The following IL1RAPL1 variants were observed in gnomAD, a reference collection of about 807,000 sequenced individuals.
IL1RAPL1 encodes the protein interleukin-1 receptor accessory protein-like 1.
In IL1RAPL1, 3 loss-of-function variants were observed where a neutral mutation model predicts 48.4. That is an observed-to-expected ratio of 0.06 (90% CI 0.03 to 0.16). IL1RAPL1 has a LOEUF of 0.16. Ranked by LOEUF, IL1RAPL1 falls within the 10% of genes least tolerant of loss-of-function variation. IL1RAPL1 has a pLI of 1.00. For synonymous variants in IL1RAPL1, 185 were observed against 187.7 expected (o/e 0.99, Z 0.12); for missense variants, 349 against 530.6 (o/e 0.66, Z 3.36).
chrX:29,590,049 A>C (rs1473284277), intron 5 of IL1RAPL1, among the ~76,000 whole-genome samples: 1 of 111,344 alleles, frequency 9.0e-6, no homozygotes, highest in African/African-American at 3.3e-5. Context: ...CTTACCGGGC[A>C]TCAACAACTT....
chrX:28,820,673 G>T (rs1247825021), intron 2 of IL1RAPL1, among the ~76,000 whole-genome samples: 5 of 111,291 alleles, frequency 4.5e-5, no homozygotes, highest in African/African-American at 1.6e-4. Flanking sequence ...AAAACAGAGA[G>T]GTCAGGGAAG....
chrX:28,836,336 T>TTATATATATATATATATATATA lies in IL1RAPL1; in HGVS notation c.82+46917_82+46938dup, dbSNP rs34343530. On this transcript the variant is annotated intron_variant, in intron 2 of 10. Coordinates refer to ENST00000378993, the MANE Select transcript of IL1RAPL1 (RefSeq NM_014271.4). ...ATAAAATGCCTTTTGCTTCCCAATT[T>TTATATATATATATATATATATA]TATATATATATATATATATATATAT... Among the ~76,000 whole-genome samples the TTATATATATATATATATATATA allele has an allele frequency of 2.8e-4, 24 of 85,301 alleles. 1 individual carries two copies. The highest frequency in any genetic ancestry group is 1.1e-3 in the African/African-American group (23 of 21,280). The allele number at this position is 85,301 out of a possible 115,157, so 74.1% of individuals were successfully genotyped here.
intron 2 of IL1RAPL1, among the ~76,000 whole-genome samples, chrX:28,848,444 G>GT (rs11366471): frequency 0.035 from 3,721 of 106,662 alleles, 172 homozygotes; most frequent in African/African-American, 0.12. Flanking sequence ...TACTTGTAGG[G>GT]TTTTTTTTTT....
chrX:29,683,731 CTACT>C (rs1926533148), intron 6 of IL1RAPL1, among the ~76,000 whole-genome samples: 1 of 112,245 alleles, frequency 8.9e-6, no homozygotes, highest in African/African-American at 3.2e-5. Context: ...TTCTTACAGA[CTACT>C]TGAGTTCTGT....
At chrX:29,495,373 G>T (rs768873518) in intron 5 of IL1RAPL1, among the ~76,000 whole-genome samples, 7 of 111,856 alleles carry the variant, frequency 6.3e-5, no homozygotes, top group Non-Finnish European at 9.4e-5. Context: ...AAGGTGTATA[G>T]GTTCAGGTCA....
intron 6 of IL1RAPL1, among the ~76,000 whole-genome samples, chrX:29,725,767 C>T (rs1389282905): frequency 3.6e-5 from 4 of 112,278 alleles, no homozygotes; most frequent in Admixed American, 1.9e-4. Flanking sequence ...ATATACTAGA[C>T]TGTCAAAAAA....
In IL1RAPL1 at chrX:29,503,324, G is replaced by A. The variant is rs1383756503; in HGVS notation, c.703+104016G>A. 4.5e-5 allele frequency among the ~76,000 whole-genome samples: 5 copies of A among 111,045 alleles called. No individual in the cohort carries two copies. In the Admixed American group the frequency reaches 4.8e-4, roughly 11 times the overall value. ...TCTCCTATATTCCAGGGTTTTGTTT[G>A]TTTGTTTGTTTGTTTCAATTTCGTT... On this transcript the variant is annotated intron_variant, in intron 5 of 10. Coordinates refer to ENST00000378993, the MANE Select transcript of IL1RAPL1 (RefSeq NM_014271.4).
At chrX:29,948,765 A>G (rs1385865596) in intron 9 of IL1RAPL1, among the ~76,000 whole-genome samples, 1 of 109,524 alleles carries the variant, frequency 9.1e-6, no homozygotes, top group East Asian at 2.8e-4. Flanking sequence ...CATTTTAGGA[A>G]TCCATTTACT....
At chrX:29,791,249 G>T (rs779226096) in intron 6 of IL1RAPL1, among the ~76,000 whole-genome samples, 2 of 110,414 alleles carry the variant, frequency 1.8e-5, no homozygotes, top group Non-Finnish European at 3.8e-5. Flanking sequence ...TTTCAAAAGA[G>T]CTCCTATCTG....
chrX:29,438,177 C>T (rs1355207490), intron 5 of IL1RAPL1, among the ~76,000 whole-genome samples: 3 of 110,947 alleles, frequency 2.7e-5, no homozygotes, highest in Non-Finnish European at 3.8e-5. Flanking sequence ...GAATTGTTCA[C>T]GTTAGTCCGT....
intron 1 of IL1RAPL1, chrX:28,658,920 C>T (rs1934782440): frequency 2.6e-6 from 1 of 386,020 alleles, no homozygotes; most frequent in Non-Finnish European, 4.5e-6. Flanking sequence ...TAATTACTGT[C>T]CCCTATTTTT....
intron 5 of IL1RAPL1, among the ~76,000 whole-genome samples, chrX:29,437,098 T>G (rs1282210675): frequency 1.8e-5 from 2 of 111,357 alleles, no homozygotes; most frequent in Non-Finnish European, 3.8e-5. Context: ...TTATTTAATT[T>G]TTATTACTTC....
chrX:29,630,528 T>C (rs762185975), intron 5 of IL1RAPL1, among the ~76,000 whole-genome samples: 1 of 100,503 alleles, frequency 9.9e-6, no homozygotes, highest in African/African-American at 3.8e-5. Context: ...CCAGAGAAAA[T>C]AGTTTCTCCA....
intron 2 of IL1RAPL1, among the ~76,000 whole-genome samples, chrX:29,228,630 G>T (rs1239563218): frequency 2.7e-5 from 3 of 110,813 alleles, no homozygotes; most frequent in Non-Finnish European, 5.7e-5. Flanking sequence ...TGGGATTACA[G>T]GCGTGAGCCA....
chrX:28,944,596 T>C (rs1924247644), intron 2 of IL1RAPL1, among the ~76,000 whole-genome samples: 1 of 110,979 alleles, frequency 9.0e-6, no homozygotes, highest in African/African-American at 3.3e-5. Flanking sequence ...CTGTTCACAA[T>C]TTTTTAAAAT....
intron 6 of IL1RAPL1, among the ~76,000 whole-genome samples, chrX:29,820,478 A>G (rs1160274267): frequency 8.9e-6 from 1 of 111,955 alleles, no homozygotes; most frequent in African/African-American, 3.2e-5. Context: ...CTTCTCAGAA[A>G]CATTAGAATC....
intron 6 of IL1RAPL1, among the ~76,000 whole-genome samples, chrX:29,758,522 C>T (rs756675303): frequency 2.7e-5 from 3 of 109,898 alleles, no homozygotes; most frequent in Non-Finnish European, 5.7e-5. Flanking sequence ...GTGAAACCCC[C>T]GTCTCTACTA....
rs145591448 is a variant in IL1RAPL1 at position 29,284,234 on chromosome X, C to G, written c.362+1017C>G. Among the ~76,000 whole-genome samples, 283 of 112,009 alleles carry G rather than the reference C, an allele frequency of 2.5e-3. 1 individual carries two copies. Among genetic ancestry groups the G allele is most frequent in the African/African-American group, 8.5e-3 (263 of 30,867 alleles). ...CTCCTCTGTCATAAATATCATGCCT[C>G]CCTCTCACCGTCATCTCTAATAATT... On this transcript the variant is annotated intron_variant, in intron 3 of 10. Transcript: ENST00000378993.
At chrX:28,981,706 AC>A (rs1451416431) in intron 2 of IL1RAPL1, among the ~76,000 whole-genome samples, 4 of 111,436 alleles carry the variant, frequency 3.6e-5, no homozygotes, top group African/African-American at 1.3e-4. Flanking sequence ...ATGCAGATCT[AC>A]CTTTCTTCCC....
Sources: allele counts gnomAD v4.1 joint callset (sites outside exome capture counted in the v4.1 genomes callset), GRCh38; gene constraint gnomAD v4.1.1; transcripts MANE v1.5; gene names NCBI Gene and HGNC (gene_info 2026-07-23, HGNC 2026-07-21).